Variants in SLC2A9 observed in about 807,000 individuals in gnomAD.
SLC2A9 encodes the protein solute carrier family 2 member 9.
A neutral mutation model predicts 50.6 loss-of-function variants in SLC2A9; 39 were observed. That is an observed-to-expected ratio of 0.77 (90% CI 0.60 to 1.01). The LOEUF is 1.01. Ranked by LOEUF, SLC2A9 falls within the 50% of genes least tolerant of loss-of-function variation. The pLI, the probability that SLC2A9 is intolerant of heterozygous loss-of-function variation, is 0.00. For synonymous variants in SLC2A9, 324 were observed against 276.9 expected (o/e 1.17, Z -1.69); for missense variants, 686 against 677.6 (o/e 1.01, Z -0.14).
At chr4:9,810,564 T>C (rs181872225) in intron 3 of SLC2A9, among the ~76,000 whole-genome samples, 101 of 152,248 alleles carry the variant, frequency 6.6e-4, no homozygotes, top group Non-Finnish European at 1.2e-3. Flanking sequence ...GAGACTGATA[T>C]ATGAGCCAGG....
intron 11 of SLC2A9, among the ~76,000 whole-genome samples, chr4:9,827,884 T>G (rs1010858506): frequency 1.3e-5 from 2 of 152,242 alleles, no homozygotes; most frequent in Non-Finnish European, 2.9e-5. Flanking sequence ...TTCTAACACT[T>G]ATGATGTGCC....
intron 3 of SLC2A9, among the ~76,000 whole-genome samples, chr4:9,792,163 C>CTTTTTTTTT (rs34289788): frequency 1.6e-3 from 123 of 77,184 alleles, no homozygotes; most frequent in Non-Finnish European, 2.0e-3. Flanking sequence ...TTCTATGTTT[C>CTTTTTTTTT]TTTTTTTTTT....
At position 9,805,719 on chromosome 4, in the gene SLC2A9, A is replaced by G. The variant is rs577471260; in HGVS notation, n.421-6478T>C. 5.9e-5 allele frequency among the ~76,000 whole-genome samples: 9 copies of G among 151,362 alleles called. No homozygotes were observed. In the East Asian group the frequency reaches 1.4e-3, roughly 23 times the overall value. ...TTTTTTTTTTTTGTCTCAAAAAAAA[A>G]AAGCCCCCTTTGATCTTGATAAAGA... On this transcript the variant is annotated intron_variant and non_coding_transcript_variant, in intron 3 of 3. Coordinates refer to the SLC2A9 transcript ENST00000503280.
At chr4:9,964,319 T>C in intron 5 of SLC2A9, among the ~76,000 whole-genome samples, 1 of 152,158 alleles carries the variant, frequency 6.6e-6, no homozygotes, top group Admixed American at 6.5e-5. Context: ...GGAACACGTT[T>C]TGAGAACTCT....
intron 6 of SLC2A9, among the ~76,000 whole-genome samples, chr4:9,939,235 C>T (rs776739465): frequency 2.6e-5 from 4 of 152,244 alleles, no homozygotes; most frequent in Admixed American, 6.5e-5. Context: ...AACAGACATG[C>T]GAGTGAACTT....
At chr4:9,921,103 T>C (rs1743872176) in intron 6 of SLC2A9, among the ~76,000 whole-genome samples, 1 of 152,194 alleles carries the variant, frequency 6.6e-6, no homozygotes, top group Admixed American at 6.5e-5. Context: ...CAGGATGCCC[T>C]GCAGTCCATG....
At chr4:9,948,513 T>C (rs759565849) in intron 5 of SLC2A9, among the ~76,000 whole-genome samples, 19 of 152,220 alleles carry the variant, frequency 1.2e-4, no homozygotes, top group Non-Finnish European at 2.2e-4. Flanking sequence ...GGAGCATTAC[T>C]GGCTGTGGAC....
intron 10 of SLC2A9, chr4:9,878,989 T>C: frequency 1.0e-6 from 1 of 965,674 alleles, no homozygotes; most frequent in Non-Finnish European, 1.2e-6. Flanking sequence ...CACCACACAG[T>C]AGGAACTTAA....
chr4:10,003,285 G>T (rs1023431270), intron 2 of SLC2A9, among the ~76,000 whole-genome samples: 1 of 152,206 alleles, frequency 6.6e-6, no homozygotes, highest in Admixed American at 6.5e-5. Context: ...GTAATGACTG[G>T]CTTCCTGGAA....
intron 3 of SLC2A9, chr4:9,782,204 G>C: frequency 4.3e-6 from 7 of 1,611,020 alleles, no homozygotes; most frequent in Non-Finnish European, 5.9e-6. Context: ...GCTGGGCAAC[G>C]TGCTGGTGTG....
intron 2 of SLC2A9, 59 bp downstream of exon 2, chr4:10,018,916 G>C: frequency 6.6e-7 from 1 of 1,508,086 alleles, no homozygotes; most frequent in Middle Eastern, 2.3e-4. Flanking sequence ...GGGCCCTTGC[G>C]CACCCGAAGG....
chr4:10,003,970 C>T (rs1044728023), intron 2 of SLC2A9, among the ~76,000 whole-genome samples: 10 of 152,194 alleles, frequency 6.6e-5, no homozygotes, highest in Admixed American at 2.6e-4. Flanking sequence ...AGCCACAGAG[C>T]CACAAGGGGC....
intron 1 of SLC2A9, among the ~76,000 whole-genome samples, chr4:10,031,896 C>A (rs1050514865): frequency 5.9e-5 from 9 of 152,216 alleles, no homozygotes; most frequent in Non-Finnish European, 1.0e-4. Flanking sequence ...ACCAAGAGGT[C>A]ACAGGCATAA....
chr4:9,892,767 C>A (rs926027428), intron 8 of SLC2A9, among the ~76,000 whole-genome samples: 1 of 152,194 alleles, frequency 6.6e-6, no homozygotes, highest in African/African-American at 2.4e-5. Flanking sequence ...CTGGTCCCAA[C>A]TCTTACCCGT....
chr4:9,851,194 G>C (rs1214951426), intron 10 of SLC2A9, among the ~76,000 whole-genome samples: 2 of 152,184 alleles, frequency 1.3e-5, no homozygotes, highest in Non-Finnish European at 1.5e-5. Flanking sequence ...TCATTGGGCT[G>C]GGAACACCTC....
At chr4:9,934,639 G>A (rs942065436) in intron 6 of SLC2A9, among the ~76,000 whole-genome samples, 2 of 152,150 alleles carry the variant, frequency 1.3e-5, no homozygotes, top group African/African-American at 4.8e-5. Context: ...ATTTACCATG[G>A]GGAATTTTTT....
intron 10 of SLC2A9, among the ~76,000 whole-genome samples, chr4:9,855,014 G>T (rs1730512539): frequency 6.6e-6 from 1 of 152,138 alleles, no homozygotes; most frequent in Non-Finnish European, 1.5e-5. Context: ...TACTGAGTGG[G>T]CAAAAGCTGG....
chr4:9,998,864 C>CA (rs1759254109), intron 2 of SLC2A9, among the ~76,000 whole-genome samples: 1 of 152,134 alleles, frequency 6.6e-6, no homozygotes, highest in African/African-American at 2.4e-5. Flanking sequence ...GAAAACCTGG[C>CA]AAAAATAACA....
At chr4:9,856,190 G>T (rs1730686312) in intron 10 of SLC2A9, among the ~76,000 whole-genome samples, 1 of 152,138 alleles carries the variant, frequency 6.6e-6, no homozygotes, top group African/African-American at 2.4e-5. Flanking sequence ...CCAGAGTATG[G>T]GAGAAAATAT....
Sources: allele counts gnomAD v4.1 joint callset (sites outside exome capture counted in the v4.1 genomes callset), GRCh38; gene constraint gnomAD v4.1.1; transcripts MANE v1.5; gene names NCBI Gene and HGNC (gene_info 2026-07-23, HGNC 2026-07-21).